Variants in TMEM181 observed in about 807,000 individuals in gnomAD.
TMEM181 encodes the protein transmembrane protein 181, also known as G protein-coupled receptor 178.
In TMEM181, 39 loss-of-function variants were observed where a neutral mutation model predicts 71.9. The observed-to-expected ratio is 0.54, with a 90% CI of 0.42 to 0.71. The LOEUF (loss-of-function observed/expected upper bound fraction) is 0.71. Among genes scored for constraint, TMEM181 ranks in the 30% least tolerant of loss-of-function variants. The pLI is 0.00. For synonymous variants in TMEM181, 245 were observed against 228.8 expected (o/e 1.07, Z -0.64); for missense variants, 595 against 583.0 (o/e 1.02, Z -0.21).
chr6:158,536,699 G>A lies in TMEM181; in HGVS notation c.-36G>A. On this transcript the variant is annotated 5_prime_UTR_variant, in exon 1 of 17. Transcript: ENST00000367090. Reference sequence around the variant, plus strand: ...GGGCGCAGGCGGCGACACAAAGGGTGGAGCGGCGGGACCGGGACCCGGGAG... The same window carrying A: ...GGGCGCAGGCGGCGACACAAAGGGTAGAGCGGCGGGACCGGGACCCGGGAG... 6.5e-7 allele frequency: 1 copy of A among 1,537,230 alleles called. No homozygotes were observed. Among genetic ancestry groups the A allele is most frequent in the Non-Finnish European group, 8.7e-7 (1 of 1,145,890 alleles).
chr6:158,550,501 G>T (rs1259904876), intron 1 of TMEM181, among the ~76,000 whole-genome samples: 4 of 151,528 alleles, frequency 2.6e-5, no homozygotes, highest in Non-Finnish European at 5.9e-5. Context: ...ACTGAAAATA[G>T]AAAAATTAGC....
At chr6:158,594,473 ACTAAG>A (rs1444310159) in intron 6 of TMEM181, among the ~76,000 whole-genome samples, 1 of 152,058 alleles carries the variant, frequency 6.6e-6, no homozygotes, top group Middle Eastern at 3.2e-3. Context: ...GACTTATTTC[ACTAAG>A]TTATATGCAT....
intron 10 of TMEM181, among the ~76,000 whole-genome samples, chr6:158,617,631 C>G (rs927715828): frequency 1.3e-5 from 2 of 152,152 alleles, no homozygotes; most frequent in Admixed American, 6.6e-5. Context: ...ATAAATTTTC[C>G]TCTACACACT....
chr6:158,588,498 G>A (rs952756488), intron 5 of TMEM181, among the ~76,000 whole-genome samples: 8 of 152,244 alleles, frequency 5.3e-5, no homozygotes, highest in African/African-American at 1.9e-4. Context: ...TGCCCAGGCT[G>A]GAGTGCAATG....
In TMEM181 at chr6:158,571,543, C is replaced by T. The variant is rs531004170; in HGVS notation, c.9-1877C>T. Reference sequence around the variant, plus strand: ...TCAATCTCCTGACCTCGTGATCCGCCCGCCTTGGCCTCCCAAAGTGCTGGG... The same window carrying T: ...TCAATCTCCTGACCTCGTGATCCGCTCGCCTTGGCCTCCCAAAGTGCTGGG... On this transcript the variant is annotated intron_variant, in intron 1 of 16. Transcript: ENST00000684151. 6.5e-4 allele frequency among the ~76,000 whole-genome samples: 98 copies of T among 150,654 alleles called. 6 individuals are homozygous for T. Among genetic ancestry groups the T allele is most frequent in the African/African-American group, 2.1e-3 (86 of 41,136 alleles).
rs199789881 is a variant in TMEM181, at chr6:158,627,017, TCTCA to T, written c.1109+1267_1109+1270del. ...TCACTCTCAGCACACCCTTACAGCC[TCTCA>T]CTCTCACACATCCTTACACACACCC... On this transcript the variant is annotated intron_variant, in intron 13 of 16. Coordinates refer to ENST00000684151, the MANE Select transcript of TMEM181 (RefSeq NM_001376852.1). Among the ~76,000 whole-genome samples the T allele has an allele frequency of 6.6e-3, 896 of 135,668 alleles. 10 individuals are homozygous for T. Among genetic ancestry groups the T allele is most frequent in the African/African-American group, 0.024 (849 of 35,494 alleles). 89.0% of individuals were successfully genotyped at this position (135,668 alleles called of 152,430 possible). A position where few individuals can be genotyped will look rare whatever the true frequency, so the allele number is the denominator to read the frequency against.
chr6:158,565,484 A>G (rs556844091), intron 1 of TMEM181, among the ~76,000 whole-genome samples: 45 of 152,360 alleles, frequency 3.0e-4, no homozygotes, highest in African/African-American at 1.0e-3. Context: ...TGCCCCAGCT[A>G]CAGAAGCAGA....
At position 158,571,446 on chromosome 6, in the gene TMEM181, G is replaced by C. The variant is rs1287377732; in HGVS notation, c.9-1974G>C. 3.0e-5 allele frequency among the ~76,000 whole-genome samples: 4 copies of C among 132,750 alleles called. 1 individual carries two copies. The highest frequency in any genetic ancestry group is 1.2e-4 in the African/African-American group (4 of 34,662). The allele number at this position is 132,750 out of a possible 152,430, so 87.1% of individuals were successfully genotyped here. A position where few individuals can be genotyped will look rare whatever the true frequency, so the allele number is the denominator to read the frequency against. ...CAAAGTGCTGAGATTACAGGCCTGA[G>C]CCACCACGCCTGGCTGCTAATTTTT... is the stretch of plus-strand genomic sequence containing the variant. On this transcript the variant is annotated intron_variant, in intron 1 of 16. Coordinates refer to ENST00000684151, the MANE Select transcript of TMEM181 (RefSeq NM_001376852.1).
chr6:158,542,078 G>GT (rs944257782), intron 1 of TMEM181, among the ~76,000 whole-genome samples: 12 of 151,134 alleles, frequency 7.9e-5, no homozygotes, highest in Non-Finnish European at 1.5e-4. Context: ...GCTAATTTTT[G>GT]TTTTTTTTAG....
At chr6:158,628,984 T>C (rs4708801) in intron 14 of TMEM181, among the ~76,000 whole-genome samples, 46,568 of 152,074 alleles carry the variant, frequency 0.31, 7,622 homozygotes, top group East Asian at 0.66. Flanking sequence ...GTATGACAGT[T>C]GTGGCAGGTT....
chr6:158,602,616 CTT>C (rs35954544), intron 6 of TMEM181, among the ~76,000 whole-genome samples: 5 of 148,476 alleles, frequency 3.4e-5, no homozygotes, highest in African/African-American at 7.4e-5. Context: ...AATTTATGTA[CTT>C]TTTTTTTTTT....
intron 2 of TMEM181, among the ~76,000 whole-genome samples, chr6:158,579,888 AAGT>A (rs1783379788): frequency 6.6e-6 from 1 of 152,234 alleles, no homozygotes; most frequent in Non-Finnish European, 1.5e-5. Context: ...TCAAGACAGA[AAGT>A]AGAGTGGTGG....
rs530371133 is a variant in TMEM181 at position 158,589,641 on chromosome 6, T to C, written c.382-31T>C. The C allele has an allele frequency of 1.9e-6, 3 of 1,580,494 alleles. No individual in the cohort carries two copies. The African/African-American group carries it at 4.0e-5, about 21-fold the overall frequency. On this transcript the variant is annotated intron_variant, in intron 5 of 16. Coordinates refer to ENST00000684151, the MANE Select transcript of TMEM181 (RefSeq NM_001376852.1). ...TGGCGGGAGCGTGAGTCTCGCTTTC[T>C]TTAAAGGCAAATCTTTCTGTGTATT...
chr6:158,607,916 C>T (rs1785042722), intron 8 of TMEM181, among the ~76,000 whole-genome samples: 1 of 152,244 alleles, frequency 6.6e-6, no homozygotes, highest in South Asian at 2.1e-4. Flanking sequence ...ACATGGCTGG[C>T]TGTTCCTCTT....
chr6:158,560,298 C>A (rs955244409), intron 1 of TMEM181, 66 bp downstream of exon 1: 6 of 985,238 alleles, frequency 6.1e-6, no homozygotes, highest in Non-Finnish European at 7.2e-6. Flanking sequence ...AGTTGGGGAT[C>A]CCTGGCTCCC....
chr6:158,539,555 G>A (rs891564340), intron 1 of TMEM181, among the ~76,000 whole-genome samples: 6 of 152,188 alleles, frequency 3.9e-5, no homozygotes, highest in African/African-American at 1.4e-4. Flanking sequence ...CACGTGGTTG[G>A]CAGTTTTCTC....
In TMEM181 at chr6:158,585,560, A is replaced by AT. The variant is rs1783722125; in HGVS notation, c.381+136dup. On this transcript the variant is annotated intron_variant, in intron 5 of 16. Transcript: ENST00000684151. ...GTTCTTAAGTGAAAAAAATGGAGTC[A>AT]TACCAAAGATGGCATGAAAAAACTT... The AT allele has an allele frequency of 1.0e-5, 12 of 1,162,362 alleles. No individual in the cohort carries two copies. In the South Asian group the frequency reaches 2.8e-4, roughly 27 times the overall value. The allele number at this position is 1,162,362 out of a possible 1,614,324, so 72.0% of individuals were successfully genotyped here.
upstream of TMEM181, among the ~76,000 whole-genome samples, chr6:158,555,244 C>A (rs1303748743): frequency 6.6e-6 from 1 of 152,196 alleles, no homozygotes; most frequent in Non-Finnish European, 1.5e-5. Flanking sequence ...GACAGAGACA[C>A]CTTATATTAT....
intron 2 of TMEM181, 117 bp from the exon 3 acceptor site, chr6:158,580,823 C>T (rs1285268046): frequency 1.2e-6 from 1 of 837,282 alleles, no homozygotes; most frequent in Non-Finnish European, 1.9e-6. Context: ...TAAAGAAAAA[C>T]CAGGTGAATT....
Sources: allele counts gnomAD v4.1 joint callset (sites outside exome capture counted in the v4.1 genomes callset), GRCh38; gene constraint gnomAD v4.1.1; transcripts MANE v1.5; gene names NCBI Gene and HGNC (gene_info 2026-07-23, HGNC 2026-07-21).